The following CRX variants were observed in gnomAD, a reference collection of about 807,000 sequenced individuals.
The protein encoded by CRX is cone-rod homeobox protein.
CRX carries 5 observed loss-of-function variants against 13.1 expected under a neutral mutation model. The ratio of observed to expected loss-of-function variants is 0.38; its 90% CI spans 0.20 to 0.80. The LOEUF (loss-of-function observed/expected upper bound fraction) is 0.80, where lower values mean the gene tolerates loss of function less well. Among genes scored for constraint, CRX ranks in the 30% least tolerant of loss-of-function variants. CRX has a pLI of 0.43. For synonymous variants in CRX, 179 were observed against 171.1 expected (o/e 1.05, Z -0.36); for missense variants, 351 against 391.8 (o/e 0.90, Z 0.88).
At chr19:47,833,545 G>T (rs1258984777) in intron 1 of CRX, among the ~76,000 whole-genome samples, 1 of 151,998 alleles carries the variant, frequency 6.6e-6, no homozygotes, top group East Asian at 1.9e-4. Flanking sequence ...GCCTCCCAAA[G>T]TGCTGGGATT....
intron 1 of CRX, among the ~76,000 whole-genome samples, chr19:47,824,303 T>C (rs1967948333): frequency 6.6e-6 from 1 of 152,120 alleles, no homozygotes; most frequent in Admixed American, 6.6e-5. Context: ...ACCTCTGAGC[T>C]CCGTGGGGCT....
rs2123745689 is a variant in CRX, at chr19:47,842,149, C to G, written c.*2182C>G. 1 of 152,642 alleles carries G rather than the reference C, an allele frequency of 6.6e-6. No homozygotes were observed. Among genetic ancestry groups the G allele is most frequent in the East Asian group, 1.9e-4 (1 of 5,186 alleles). The allele number at this position is 152,642 out of a possible 1,614,324, so 9.5% of individuals were successfully genotyped here. A position where few individuals can be genotyped will look rare whatever the true frequency, so the allele number is the denominator to read the frequency against. On this transcript the variant is annotated 3_prime_UTR_variant, in exon 4 of 4. Coordinates refer to ENST00000221996, the MANE Select transcript of CRX (RefSeq NM_000554.6). Reference sequence around the variant, plus strand: ...GAGGTATCAGATGACGTTTCCAGCACTAGACCAGAAGAGGTGCACACAGCC... The same window carrying G: ...GAGGTATCAGATGACGTTTCCAGCAGTAGACCAGAAGAGGTGCACACAGCC...
At chr19:47,830,756 A>G (rs569218848) in intron 1 of CRX, among the ~76,000 whole-genome samples, 12 of 150,734 alleles carry the variant, frequency 8.0e-5, no homozygotes, top group Non-Finnish European at 1.8e-4. Flanking sequence ...AGATTGTGCC[A>G]CTGCACTCCA....
chr19:47,839,264 G>C lies in CRX; in HGVS notation c.253-56G>C. The C allele has an allele frequency of 6.4e-7, 1 of 1,569,732 alleles. No homozygotes were observed. Among genetic ancestry groups the C allele is most frequent in the Non-Finnish European group, 8.6e-7 (1 of 1,157,088 alleles). ...TGTCCTCATCCCCGGGCACCCTGCG[G>C]CTCTCCTGGGCCTCTTCCCCACTTA... On this transcript the variant is annotated intron_variant, in intron 3 of 3. Coordinates refer to ENST00000221996, the MANE Select transcript of CRX (RefSeq NM_000554.6). The surrounding 1 kb of genome is among the most constrained non-coding windows in gnomAD (Gnocchi z 4.6).
intron 2 of CRX, 113 bp from the exon 3 acceptor site, chr19:47,836,130 T>G: frequency 7.4e-7 from 1 of 1,345,582 alleles, no homozygotes. Flanking sequence ...TATTCCATCC[T>G]TAGTTTAGGC....
chr19:47,834,126 T>C (rs1426882956), intron 1 of CRX, among the ~76,000 whole-genome samples: 1 of 152,048 alleles, frequency 6.6e-6, no homozygotes, highest in Middle Eastern at 3.2e-3. Context: ...CCATTGTGCC[T>C]AGCCAGGACG....
At chr19:47,824,822 T>C (rs1967955558) in intron 1 of CRX, among the ~76,000 whole-genome samples, 1 of 152,004 alleles carries the variant, frequency 6.6e-6, no homozygotes, top group East Asian at 1.9e-4. Context: ...GAGACACTGA[T>C]ATTCTTTGTT....
chr19:47,823,024 G>A (rs969262502), intron 1 of CRX, among the ~76,000 whole-genome samples: 20 of 152,082 alleles, frequency 1.3e-4, no homozygotes, highest in African/African-American at 4.8e-4. Context: ...TCGAACTCCT[G>A]ACCTCAAGTG....
intron 1 of CRX, among the ~76,000 whole-genome samples, chr19:47,828,723 TG>T (rs1968006916): frequency 1.3e-5 from 2 of 149,112 alleles, no homozygotes; most frequent in Non-Finnish European, 3.0e-5. Flanking sequence ...AGAGGGGCTT[TG>T]GGGTGGGGGA....
In CRX at chr19:47,827,917, G is replaced by A. The variant is rs1324769101; in HGVS notation, c.-36+5907G>A. Among the ~76,000 whole-genome samples, 4 of 142,976 alleles carry A rather than the reference G, an allele frequency of 2.8e-5. No individual in the cohort carries two copies. In the Admixed American group the frequency reaches 2.9e-4, roughly 10 times the overall value. 93.8% of individuals were successfully genotyped at this position (142,976 alleles called of 152,430 possible). A position where few individuals can be genotyped will look rare whatever the true frequency, so the allele number is the denominator to read the frequency against. On this transcript the variant is annotated intron_variant, in intron 1 of 3. Coordinates refer to ENST00000221996, the MANE Select transcript of CRX (RefSeq NM_000554.6). ...GCCTGTAATCCCAGCACTTTGGGAGGCCGAGGCGGGTGGATCACATGAGGT... is the reference window on the plus strand; with the variant it reads ...GCCTGTAATCCCAGCACTTTGGGAGACCGAGGCGGGTGGATCACATGAGGT...
chr19:47,832,329 C>T (rs1968061567), intron 1 of CRX, among the ~76,000 whole-genome samples: 1 of 151,360 alleles, frequency 6.6e-6, no homozygotes, highest in South Asian at 2.1e-4. Context: ...TGGTCTCGAA[C>T]TTCTGACCTC....
intron 1 of CRX, among the ~76,000 whole-genome samples, chr19:47,831,708 T>C (rs4427918): frequency 0.5 from 75,512 of 151,946 alleles, 19,383 homozygotes; most frequent in Middle Eastern, 0.63. Context: ...TGCTGTCAGC[T>C]TTTTTTGTCT....
chr19:47,840,774 A>C lies in CRX; in HGVS notation c.*807A>C. ...GCTTAGGCTGGAGTGCAGTGGTGTGATCTCAGCTCACTGACTGCAACCTCC... is the reference window on the plus strand; with the variant it reads ...GCTTAGGCTGGAGTGCAGTGGTGTGCTCTCAGCTCACTGACTGCAACCTCC... On this transcript the variant is annotated 3_prime_UTR_variant, in exon 4 of 4. Transcript: ENST00000221996. The C allele has an allele frequency of 8.0e-6, 1 of 125,780 alleles. No individual in the cohort carries two copies. The highest frequency in any genetic ancestry group is 3.2e-5 in the African/African-American group (1 of 31,740). 7.8% of individuals were successfully genotyped at this position (125,780 alleles called of 1,614,324 possible).
At chr19:47,828,048 G>A (rs1241337911) in intron 1 of CRX, among the ~76,000 whole-genome samples, 1 of 151,428 alleles carries the variant, frequency 6.6e-6, no homozygotes, top group Non-Finnish European at 1.5e-5. Context: ...CAGCTACTTG[G>A]GAGGCTGAGG....
intron 1 of CRX, among the ~76,000 whole-genome samples, chr19:47,830,532 C>A (rs1015186857): frequency 1.3e-4 from 20 of 152,058 alleles, no homozygotes; most frequent in African/African-American, 4.8e-4. Context: ...GAAACCCCGA[C>A]TCTACTAAAA....
intron 1 of CRX, among the ~76,000 whole-genome samples, chr19:47,833,997 C>CTT (rs72027184): frequency 2.9e-4 from 41 of 142,530 alleles, no homozygotes; most frequent in African/African-American, 3.9e-4. Context: ...TTAAAGAACA[C>CTT]TTTTTTTTTT....
chr19:47,822,685 G>A (rs549271776), intron 1 of CRX, among the ~76,000 whole-genome samples: 1 of 152,242 alleles, frequency 6.6e-6, no homozygotes, highest in Admixed American at 6.5e-5. Flanking sequence ...AATGCACCCA[G>A]AGGCTCTGGC....
At chr19:47,835,400 C>T (rs1042471783) in intron 2 of CRX, among the ~76,000 whole-genome samples, 7 of 150,694 alleles carry the variant, frequency 4.6e-5, no homozygotes, top group African/African-American at 1.7e-4. Context: ...TTTCGAGACA[C>T]AGTTTAGACG....
At chr19:47,831,421 G>A (rs1402623820) in intron 1 of CRX, among the ~76,000 whole-genome samples, 2 of 152,014 alleles carry the variant, frequency 1.3e-5, no homozygotes, top group Non-Finnish European at 2.9e-5. Context: ...CAGCTGGTGA[G>A]CAAGCATTAC....
Sources: allele counts gnomAD v4.1 joint callset (sites outside exome capture counted in the v4.1 genomes callset), GRCh38; gene constraint gnomAD v4.1.1; non-coding constraint Gnocchi (gnomAD v3.1); transcripts MANE v1.5; gene names NCBI Gene and HGNC (gene_info 2026-07-23, HGNC 2026-07-21).